The following FOCAD variants were observed in gnomAD, a reference collection of about 807,000 sequenced individuals.
FOCAD encodes focadhesin, also known as KIAA1797.
FOCAD carries 198 observed loss-of-function variants against 225.6 expected under a neutral mutation model. That is an observed-to-expected ratio of 0.88 (90% CI 0.78 to 0.99). The LOEUF is 0.99. Ranked by LOEUF, FOCAD falls within the 50% of genes least tolerant of loss-of-function variation. The pLI, the probability that FOCAD is intolerant of heterozygous loss-of-function variation, is 0.00. For missense variants in FOCAD, 2,713 were observed against 2,123.6 expected (o/e 1.28, Z -5.46); for synonymous variants, 897 against 755.0 (o/e 1.19, Z -3.08).
intron 15 of FOCAD, among the ~76,000 whole-genome samples, chr9:20,861,615 T>A (rs1828779685): frequency 1.3e-5 from 2 of 152,240 alleles, no homozygotes; most frequent in South Asian, 4.1e-4. Flanking sequence ...ATCTGTCTCC[T>A]TAAGTATATA....
intron 8 of FOCAD, among the ~76,000 whole-genome samples, chr9:20,777,470 G>T (rs1818881603): frequency 1.3e-5 from 2 of 151,386 alleles, no homozygotes; most frequent in South Asian, 2.1e-4. Context: ...CATGTCTCTT[G>T]TGTTTTATTA....
At chr9:20,956,258 A>G (rs567832726) in intron 35 of FOCAD, among the ~76,000 whole-genome samples, 2 of 152,246 alleles carry the variant, frequency 1.3e-5, no homozygotes, top group African/African-American at 2.4e-5. Context: ...ATAATACGAG[A>G]AAGCTGTCCT....
At chr9:20,872,367 G>A (rs1033589824) in intron 18 of FOCAD, among the ~76,000 whole-genome samples, 27 of 152,134 alleles carry the variant, frequency 1.8e-4, no homozygotes, top group African/African-American at 6.5e-4. Context: ...TAGGATAAAA[G>A]TTGTACAGAA....
In FOCAD at chr9:20,946,834, C is replaced by T; in HGVS notation, c.3675+14C>T. 1.2e-6 allele frequency: 2 copies of T among 1,612,074 alleles called. No homozygotes were observed. Among genetic ancestry groups the T allele is most frequent in the Non-Finnish European group, 1.7e-6 (2 of 1,178,914 alleles). Reference sequence around the variant, plus strand: ...AATAGCCAGCAGGTTGGAACGTGTGCCCTGATTATTTCTCTCTGTGGGTCT... The same window carrying T: ...AATAGCCAGCAGGTTGGAACGTGTGTCCTGATTATTTCTCTCTGTGGGTCT... On this transcript the variant is annotated intron_variant, in intron 30 of 43. Coordinates refer to ENST00000338382, the MANE Select transcript of FOCAD (RefSeq NM_001375567.1).
At chr9:20,949,366 A>G (rs901996889) in intron 32 of FOCAD, among the ~76,000 whole-genome samples, 1 of 152,160 alleles carries the variant, frequency 6.6e-6, no homozygotes, top group Non-Finnish European at 1.5e-5. Flanking sequence ...GTTTTTATGC[A>G]TTAAAAGTTG....
At chr9:20,765,969 T>C (rs1030184529) in intron 7 of FOCAD, among the ~76,000 whole-genome samples, 4 of 152,224 alleles carry the variant, frequency 2.6e-5, no homozygotes, top group Non-Finnish European at 5.9e-5. Context: ...CTGCGACTTA[T>C]AAATAGGCTT....
At chr9:20,924,348 G>A (rs910646619) in intron 25 of FOCAD, among the ~76,000 whole-genome samples, 15 of 152,072 alleles carry the variant, frequency 9.9e-5, no homozygotes, top group Admixed American at 3.3e-4. Context: ...TAACTGAGTC[G>A]TTAAAAATAT....
At chr9:20,995,410 C>A in intron 43 of FOCAD, 146 bp from the exon 44 acceptor site, 1 of 406,968 alleles carries the variant, frequency 2.5e-6, no homozygotes, top group Non-Finnish European at 4.5e-6. Context: ...AAATGGTTTT[C>A]TGCCATTAAA....
chr9:20,831,298 A>C (rs1825469618), intron 15 of FOCAD, among the ~76,000 whole-genome samples: 1 of 152,140 alleles, frequency 6.6e-6, no homozygotes, highest in Non-Finnish European at 1.5e-5. Context: ...GGTGGTGAGG[A>C]GAGCAAGGGA....
chr9:20,848,349 C>A (rs888704736), intron 15 of FOCAD, among the ~76,000 whole-genome samples: 1 of 152,006 alleles, frequency 6.6e-6, no homozygotes, highest in African/African-American at 2.4e-5. Context: ...GGGTCAGGAC[C>A]CTCTCTGGAA....
chr9:20,982,288 A>G lies in FOCAD; in HGVS notation c.4639-69A>G, dbSNP rs569241453. On this transcript the variant is annotated intron_variant, in intron 38 of 43. Coordinates refer to ENST00000338382, the MANE Select transcript of FOCAD (RefSeq NM_001375567.1). ...TTCATGGGGATAAGAAAATCTAATA[A>G]TTTGTCAGAACATTTTGACCTGTTA... 1,121 of 1,126,146 alleles carry G rather than the reference A, an allele frequency of 1.0e-3. 5 individuals are homozygous for G. The Admixed American group carries it at 0.011, about 11-fold the overall frequency. The allele number at this position is 1,126,146 out of a possible 1,614,324, so 69.8% of individuals were successfully genotyped here.
intron 1 of FOCAD, among the ~76,000 whole-genome samples, chr9:20,702,830 G>C (rs1824072117): frequency 6.6e-6 from 1 of 152,140 alleles, no homozygotes; most frequent in African/African-American, 2.4e-5. Context: ...CTTGTGGAGT[G>C]CTTAGCACAT....
At chr9:20,777,515 T>C (rs1818885174) in intron 8 of FOCAD, among the ~76,000 whole-genome samples, 1 of 152,138 alleles carries the variant, frequency 6.6e-6, no homozygotes, top group Non-Finnish European at 1.5e-5. Context: ...CATCTTTTTT[T>C]CATTTTGTTT....
At chr9:20,994,781 C>G (rs1841936014) in intron 43 of FOCAD, among the ~76,000 whole-genome samples, 1 of 152,124 alleles carries the variant, frequency 6.6e-6, no homozygotes, top group Non-Finnish European at 1.5e-5. Flanking sequence ...GATATACCCT[C>G]TTAGGTTACA....
chr9:20,906,100 T>C (rs1832952058), intron 21 of FOCAD, among the ~76,000 whole-genome samples: 1 of 152,002 alleles, frequency 6.6e-6, no homozygotes, highest in South Asian at 2.1e-4. Context: ...GATAATCTCA[T>C]CTTTCCACAG....
upstream of FOCAD, among the ~76,000 whole-genome samples, chr9:20,658,006 C>G (rs532261133): frequency 4.9e-3 from 703 of 143,250 alleles, 8 homozygotes; most frequent in South Asian, 0.025. Flanking sequence ...AGACAGGACC[C>G]TCAGCTGCAG....
chr9:20,844,851 G>C (rs1335177104), intron 15 of FOCAD, among the ~76,000 whole-genome samples: 2 of 152,032 alleles, frequency 1.3e-5, no homozygotes, highest in Non-Finnish European at 2.9e-5. Context: ...TTTATTGAGT[G>C]ATTTTTGTTT....
At chr9:20,796,468 C>T (rs1188413427) in intron 11 of FOCAD, among the ~76,000 whole-genome samples, 1 of 152,190 alleles carries the variant, frequency 6.6e-6, no homozygotes, top group Non-Finnish European at 1.5e-5. Flanking sequence ...ACATCCTCTC[C>T]AGCACCTGTT....
At chr9:20,890,288 T>C (rs1407305720) in intron 21 of FOCAD, among the ~76,000 whole-genome samples, 1 of 152,028 alleles carries the variant, frequency 6.6e-6, no homozygotes, top group East Asian at 1.9e-4. Context: ...TTTCCCTGTT[T>C]AATATGATGT....
Sources: allele counts gnomAD v4.1 joint callset (sites outside exome capture counted in the v4.1 genomes callset), GRCh38; gene constraint gnomAD v4.1.1; transcripts MANE v1.5; gene names NCBI Gene and HGNC (gene_info 2026-07-23, HGNC 2026-07-21).